Variants in DISC1 observed in about 807,000 individuals in gnomAD.
DISC1 encodes disrupted in schizophrenia 1 protein.
In DISC1, 57 loss-of-function variants were observed where a neutral mutation model predicts 84.5. The ratio of observed to expected loss-of-function variants is 0.67; its 90% CI spans 0.55 to 0.84. DISC1 has a LOEUF of 0.84. Ranked by LOEUF, DISC1 falls within the 40% of genes least tolerant of loss-of-function variation. The pLI, the probability that DISC1 is intolerant of heterozygous loss-of-function variation, is 0.00. For synonymous variants in DISC1, 411 were observed against 415.2 expected, an observed-to-expected ratio of 0.99 and a Z score of 0.12; for missense variants, 1,000 against 1,057.8, an observed-to-expected ratio of 0.95 and a Z score of 0.76.
intron 9 of DISC1, among the ~76,000 whole-genome samples, chr1:231,854,245 A>G (rs2084102656): frequency 6.6e-6 from 1 of 152,180 alleles, no homozygotes; most frequent in African/African-American, 2.4e-5. Flanking sequence ...TGAGCCTCAA[A>G]TTCCTCATCT....
chr1:231,977,539 C>T (rs1313729526), intron 10 of DISC1, among the ~76,000 whole-genome samples: 1 of 152,200 alleles, frequency 6.6e-6, no homozygotes, highest in Non-Finnish European at 1.5e-5. Flanking sequence ...CTTATAAGAA[C>T]CTTGTGATTA....
intron 1 of DISC1, among the ~76,000 whole-genome samples, chr1:231,642,263 C>T (rs901258148): frequency 1.3e-5 from 2 of 152,216 alleles, no homozygotes; most frequent in Non-Finnish European, 2.9e-5. Context: ...CCGCGCGCAG[C>T]CCCCGGTTCC....
chr1:231,720,127 T>C (rs199905350), intron 3 of DISC1, among the ~76,000 whole-genome samples: 2 of 152,200 alleles, frequency 1.3e-5, no homozygotes, highest in African/African-American at 2.4e-5. Flanking sequence ...TAGGGATGAC[T>C]ACTCCCTAAG....
At chr1:231,900,067 A>G (rs918147200) in intron 9 of DISC1, among the ~76,000 whole-genome samples, 1 of 152,198 alleles carries the variant, frequency 6.6e-6, no homozygotes, top group Non-Finnish European at 1.5e-5. Flanking sequence ...TTAACTTAAG[A>G]TGCAGTCTTC....
chr1:231,721,728 T>C (rs2069742050), intron 3 of DISC1, among the ~76,000 whole-genome samples: 1 of 152,138 alleles, frequency 6.6e-6, no homozygotes, highest in South Asian at 2.1e-4. Context: ...GGAAGCTTCA[T>C]CCAGAGTACT....
At position 231,639,098 on chromosome 1, in the gene DISC1, T is replaced by G. The variant is rs74545064; in HGVS notation, c.67+12164T>G. ...ATTGCCCCCAACCAGGAGTGGCTCT[T>G]GAAACATCACAGGGAGAGGATTAGG... On this transcript the variant is annotated intron_variant, in intron 1 of 12. Coordinates refer to ENST00000439617, the MANE Select transcript of DISC1 (RefSeq NM_018662.3). Among the ~76,000 whole-genome samples, 1,429 of 152,218 alleles carry G rather than the reference T, an allele frequency of 9.4e-3. 9 individuals carry two copies. The highest frequency in any genetic ancestry group is 0.015 in the Non-Finnish European group (988 of 67,994).
At chr1:232,032,522 G>A (rs1364713574) in intron 12 of DISC1, among the ~76,000 whole-genome samples, 1 of 152,162 alleles carries the variant, frequency 6.6e-6, no homozygotes, top group East Asian at 1.9e-4. Context: ...GTACAGAATG[G>A]CCTTGGGTTC....
intron 4 of DISC1, among the ~76,000 whole-genome samples, chr1:231,762,468 G>A (rs578097743): frequency 2.7e-5 from 4 of 150,890 alleles, no homozygotes; most frequent in Admixed American, 6.6e-5. Flanking sequence ...CCAAGTAGCT[G>A]GGACTACAAG....
chr1:232,034,558 G>A (rs982127762), intron 12 of DISC1, among the ~76,000 whole-genome samples: 34 of 152,308 alleles, frequency 2.2e-4, no homozygotes, highest in Middle Eastern at 6.8e-3. Flanking sequence ...TTTTCAGTGG[G>A]TTCTGCCAGT....
At chr1:231,886,760 T>C (rs1042603576) in intron 9 of DISC1, among the ~76,000 whole-genome samples, 3 of 110,478 alleles carry the variant, frequency 2.7e-5, no homozygotes, top group South Asian at 3.5e-4. Flanking sequence ...CCTTTCTTCC[T>C]TCCTTCCTTT....
intron 1 of DISC1, chr1:231,684,629 T>C (rs1211217642): frequency 6.6e-6 from 1 of 152,150 alleles, no homozygotes; most frequent in Admixed American, 6.5e-5. Flanking sequence ...CTTTTGCTTT[T>C]GTTTATACTT....
chr1:231,745,115 G>T (rs1056374348), intron 3 of DISC1, among the ~76,000 whole-genome samples: 3 of 151,876 alleles, frequency 2.0e-5, no homozygotes, highest in African/African-American at 7.3e-5. Flanking sequence ...TAAAAAATTT[G>T]CAAATAATAA....
At chr1:231,950,371 A>G (rs1323241771) in intron 9 of DISC1, among the ~76,000 whole-genome samples, 2 of 152,168 alleles carry the variant, frequency 1.3e-5, no homozygotes, top group Admixed American at 6.5e-5. Context: ...AATACTGTAA[A>G]TTAATCTCCA....
At chr1:231,798,113 C>CCACACACACACACACACACACA (rs113265676) in intron 7 of DISC1, among the ~76,000 whole-genome samples, 44 of 147,184 alleles carry the variant, frequency 3.0e-4, no homozygotes, top group African/African-American at 7.8e-4. Flanking sequence ...GTTAGACACA[C>CCACACACACACACACACACACA]CACACACACA....
At chr1:231,647,692 C>A (rs897205320) in intron 1 of DISC1, among the ~76,000 whole-genome samples, 9 of 152,176 alleles carry the variant, frequency 5.9e-5, no homozygotes, top group African/African-American at 2.2e-4. Flanking sequence ...TATCCATGAG[C>A]ATGGAATGTT....
At chr1:231,795,440 T>G in intron 7 of DISC1, 144 bp downstream of exon 7, 1 of 680,548 alleles carries the variant, frequency 1.5e-6, no homozygotes, top group Non-Finnish European at 2.6e-6. Flanking sequence ...CAATGATGAG[T>G]TAAAAGAGCC....
intron 9 of DISC1, among the ~76,000 whole-genome samples, chr1:231,939,463 T>C (rs912933677): frequency 6.6e-6 from 1 of 152,226 alleles, no homozygotes; most frequent in Non-Finnish European, 1.5e-5. Flanking sequence ...ATCATTCTCC[T>C]TTGTAGGGCC....
Position 232,036,876 on chromosome 1 carries a change from C to T in DISC1, c.*45C>T. The T allele has an allele frequency of 6.9e-7, 1 of 1,452,624 alleles. No homozygotes were observed. Among genetic ancestry groups the T allele is most frequent in the Middle Eastern group, 1.9e-4 (1 of 5,364 alleles). 90.0% of individuals were successfully genotyped at this position (1,452,624 alleles called of 1,614,324 possible). ...GGGAGGTGGGCCACCATGTTTGGAC[C>T]CGGGGGGCTGCTCTTCCCTCCCCCG... On this transcript the variant is annotated 3_prime_UTR_variant, in exon 13 of 13. Transcript: ENST00000439617.
intron 1 of DISC1, among the ~76,000 whole-genome samples, chr1:231,668,595 C>G (rs1572681638): frequency 6.6e-6 from 1 of 152,124 alleles, no homozygotes; most frequent in Admixed American, 6.6e-5. Flanking sequence ...CATCTTTAAC[C>G]TTCTCTAACT....
Sources: gnomAD v4.1 joint callset for allele counts (sites outside exome capture counted in the v4.1 genomes callset) on GRCh38, gnomAD v4.1.1 for gene constraint, MANE v1.5 for transcripts, NCBI Gene and HGNC (gene_info 2026-07-23, HGNC 2026-07-21) for gene names.